Variants in DLG2 observed in about 807,000 individuals in gnomAD.
The protein encoded by DLG2 is disks large homolog 2.
DLG2 carries 45 observed loss-of-function variants against 132.5 expected under a neutral mutation model. The ratio of observed to expected loss-of-function variants is 0.34; its 90% CI spans 0.27 to 0.44. The LOEUF is 0.44. Ranked by LOEUF, DLG2 falls within the 20% of genes least tolerant of loss-of-function variation. DLG2 has a pLI of 1.00. For missense variants in DLG2, 1,045 were observed against 1,196.9 expected, an observed-to-expected ratio of 0.87 and a Z score of 1.87; for synonymous variants, 424 against 419.6, an observed-to-expected ratio of 1.01 and a Z score of -0.13.
At chr11:83,963,518 G>A (rs1375813516) in intron 13 of DLG2, among the ~76,000 whole-genome samples, 3 of 151,682 alleles carry the variant, frequency 2.0e-5, no homozygotes, top group Admixed American at 2.0e-4. Flanking sequence ...CCTTCCTAAT[G>A]TATCTCCCTT....
At position 85,189,207 on chromosome 11, in the gene DLG2, A is replaced by G. The variant is rs527587551; in HGVS notation, c.187-34556T>C. 3.2e-4 allele frequency among the ~76,000 whole-genome samples: 49 copies of G among 152,312 alleles called. 1 individual carries two copies. Among genetic ancestry groups the G allele is most frequent in the African/African-American group, 1.1e-3 (47 of 41,582 alleles). On this transcript the variant is annotated intron_variant, in intron 4 of 27. Transcript: ENST00000376104. ...TTATATATCAAAGTGCTTAAAGTTA[A>G]AAACAAAAACAAAACCTGTCAACCA...
At chr11:84,961,068 C>T (rs10501581) in intron 6 of DLG2, among the ~76,000 whole-genome samples, 2,974 of 151,970 alleles carry the variant, frequency 0.02, 54 homozygotes, top group Admixed American at 0.042. Flanking sequence ...TGAAATGGAA[C>T]TTTGCACAAC....
intron 7 of DLG2, among the ~76,000 whole-genome samples, chr11:84,521,989 C>G (rs1463940479): frequency 6.6e-6 from 1 of 151,710 alleles, no homozygotes; most frequent in African/African-American, 2.4e-5. Flanking sequence ...GATGAAACCC[C>G]GTCTCTAGTC....
intron 4 of DLG2, among the ~76,000 whole-genome samples, chr11:85,183,364 T>C (rs908156219): frequency 6.6e-6 from 1 of 151,876 alleles, no homozygotes; most frequent in Non-Finnish European, 1.5e-5. Context: ...TTGTTGAAAA[T>C]ATATTACCTC....
At chr11:83,910,351 C>T (rs117900575) in intron 15 of DLG2, among the ~76,000 whole-genome samples, 1 of 151,990 alleles carries the variant, frequency 6.6e-6, no homozygotes, top group Admixed American at 6.6e-5. Flanking sequence ...AGAAAATATT[C>T]GATTAATGGT....
intron 18 of DLG2, among the ~76,000 whole-genome samples, chr11:83,719,830 G>T (rs1406505156): frequency 6.6e-6 from 1 of 152,044 alleles, no homozygotes; most frequent in East Asian, 1.9e-4. Flanking sequence ...TATAATACAG[G>T]TTCTTAATCA....
At chr11:85,043,649 G>T (rs2062058128) in intron 6 of DLG2, among the ~76,000 whole-genome samples, 1 of 151,690 alleles carries the variant, frequency 6.6e-6, no homozygotes, top group South Asian at 2.1e-4. Context: ...GACTTCCTTA[G>T]AATTCCTTGC....
At chr11:83,469,174 G>A (rs1413745133) in intron 25 of DLG2, 27 bp downstream of exon 25, 2 of 1,515,708 alleles carry the variant, frequency 1.3e-6, no homozygotes, top group Non-Finnish European at 8.9e-7. Flanking sequence ...TTCTTCAGGG[G>A]AGGTGTAAGA....
chr11:84,733,648 C>T, intron 6 of DLG2, among the ~76,000 whole-genome samples: 1 of 152,260 alleles, frequency 6.6e-6, no homozygotes, highest in Middle Eastern at 3.4e-3. Context: ...TTAATTAAAT[C>T]CCATTTGTCA....
At chr11:85,536,285 C>T (rs2075575638) in intron 3 of DLG2, among the ~76,000 whole-genome samples, 1 of 139,918 alleles carries the variant, frequency 7.1e-6, no homozygotes. Context: ...ACTTAGAAAA[C>T]AATACCCCCA....
At chr11:85,110,466 T>A (rs1352848536) in intron 6 of DLG2, among the ~76,000 whole-genome samples, 1 of 151,904 alleles carries the variant, frequency 6.6e-6, no homozygotes, top group Non-Finnish European at 1.5e-5. Context: ...CCTTTCTCTA[T>A]CATAAGTAGT....
chr11:84,453,487 T>C (rs1044250724), intron 7 of DLG2, among the ~76,000 whole-genome samples: 3 of 151,588 alleles, frequency 2.0e-5, no homozygotes, highest in African/African-American at 7.3e-5. Flanking sequence ...GGATCAATAA[T>C]TATAAGACCA....
intron 5 of DLG2, among the ~76,000 whole-genome samples, chr11:85,131,268 G>C (rs1417087171): frequency 1.3e-5 from 2 of 152,206 alleles, no homozygotes; most frequent in South Asian, 2.1e-4. Context: ...TAGACTTCTA[G>C]TTTGGGTTCT....
intron 7 of DLG2, among the ~76,000 whole-genome samples, chr11:84,345,018 C>T (rs1378674108): frequency 1.3e-5 from 2 of 152,146 alleles, no homozygotes; most frequent in African/African-American, 4.8e-5. Context: ...CAATGCAATA[C>T]TAATGCTATG....
chr11:83,790,829 G>A, intron 17 of DLG2: 2 of 752,944 alleles, frequency 2.7e-6, no homozygotes, highest in South Asian at 3.0e-5. Context: ...GAACCACAGA[G>A]ACTTCCATGG....
At chr11:85,144,643 T>C (rs2076724328) in intron 5 of DLG2, among the ~76,000 whole-genome samples, 1 of 151,954 alleles carries the variant, frequency 6.6e-6, no homozygotes, top group Admixed American at 6.6e-5. Context: ...TTGTAAAAAA[T>C]AATTTTAAAC....
chr11:83,987,979 GTTGT>G (rs753188805), intron 11 of DLG2, among the ~76,000 whole-genome samples: 22 of 152,122 alleles, frequency 1.4e-4, no homozygotes, highest in African/African-American at 3.1e-4. Context: ...TTTTAATGGG[GTTGT>G]TTGTTTTTTT....
At chr11:84,011,306 TA>T (rs2094878451) in intron 11 of DLG2, among the ~76,000 whole-genome samples, 1 of 151,534 alleles carries the variant, frequency 6.6e-6, no homozygotes, top group African/African-American at 2.4e-5. Flanking sequence ...CCTGTCTCTA[TA>T]AAAAAATACA....
chr11:84,359,171 C>CT (rs1365516225), intron 7 of DLG2, among the ~76,000 whole-genome samples: 1 of 151,812 alleles, frequency 6.6e-6, no homozygotes, highest in Non-Finnish European at 1.5e-5. Context: ...TAAACATATT[C>CT]TTTTTCTGGA....
Sources: allele counts gnomAD v4.1 joint callset (sites outside exome capture counted in the v4.1 genomes callset), GRCh38; gene constraint gnomAD v4.1.1; transcripts MANE v1.5; gene names NCBI Gene and HGNC (gene_info 2026-07-23, HGNC 2026-07-21).